The following CALY variants were observed in gnomAD, a reference collection of about 807,000 sequenced individuals.
CALY encodes the protein calcyon neuron specific vesicular protein, also known as neuron-specific vesicular protein calcyon.
Under a neutral mutation model 20.2 loss-of-function variants are expected in CALY, and 15 were observed. That is an observed-to-expected ratio of 0.74 (90% CI 0.50 to 1.14). The LOEUF is 1.14. Ranked by LOEUF, CALY falls within the 50% of genes most tolerant of loss-of-function variation. CALY has a pLI of 0.00. For synonymous variants in CALY, 129 were observed against 131.8 expected, an observed-to-expected ratio of 0.98 and a Z score of 0.15; for missense variants, 270 against 304.4, an observed-to-expected ratio of 0.89 and a Z score of 0.84.
intron 3 of CALY, chr10:133,327,503 A>G (rs1848233317): frequency 3.5e-6 from 2 of 569,456 alleles, no homozygotes; most frequent in Non-Finnish European, 6.2e-6. Context: ...TAAAGCTATC[A>G]TTAGTAACAT....
chr10:133,335,913 T>G (rs539896356), intron 1 of CALY, among the ~76,000 whole-genome samples: 21 of 151,888 alleles, frequency 1.4e-4, no homozygotes, highest in Non-Finnish European at 2.5e-4. Context: ...GATGGACAGA[T>G]GGATGGCGGG....
rs1848182345 is a variant in CALY at position 133,325,164 on chromosome 10, C to G, written c.*431G>C. 6.5e-6 allele frequency: 1 copy of G among 153,484 alleles called. No homozygotes were observed. The highest frequency in any genetic ancestry group is 6.4e-5 in the Admixed American group (1 of 15,542). 9.5% of individuals were successfully genotyped at this position (153,484 alleles called of 1,614,324 possible). ...GCAGCGGATAGGGATGGACCCGAGG[C>G]TCCCCTGGGTGGGCCGGAGCCCCGC... On this transcript the variant is annotated 3_prime_UTR_variant, in exon 6 of 6. Transcript: ENST00000252939.
At position 133,329,392 on chromosome 10, in the gene CALY, C is replaced by CTTCTTCTTCTTTTT. The variant is rs549430070; in HGVS notation, c.-20-384_-20-383insAAAAAGAAGAAGAA. Among the ~76,000 whole-genome samples, 427 of 137,418 alleles carry CTTCTTCTTCTTTTT rather than the reference C, an allele frequency of 3.1e-3. 4 individuals carry two copies. The highest frequency in any genetic ancestry group is 0.011 in the African/African-American group (389 of 34,508). 90.2% of individuals were successfully genotyped at this position (137,418 alleles called of 152,430 possible). On this transcript the variant is annotated intron_variant, in intron 1 of 5. Transcript: ENST00000252939. ...TCTTATTCTCCTTCTTCTTCTTCTT[C>CTTCTTCTTCTTTTT]TTTTTTTTTTTTGAGACAGGATCTT...
chr10:133,327,667 A>G (rs548883634), intron 3 of CALY: 13 of 623,796 alleles, frequency 2.1e-5, no homozygotes, highest in African/African-American at 1.7e-4. Flanking sequence ...CCAGAAAGAA[A>G]AACATCTCAG....
chr10:133,335,378 G>A (rs973134724), intron 1 of CALY, among the ~76,000 whole-genome samples: 3 of 152,190 alleles, frequency 2.0e-5, no homozygotes, highest in Non-Finnish European at 2.9e-5. Flanking sequence ...CCCCGCTCGG[G>A]CAGGACCCCC....
chr10:133,333,652 G>A (rs1302998960), intron 1 of CALY, among the ~76,000 whole-genome samples: 1 of 119,370 alleles, frequency 8.4e-6, no homozygotes, highest in African/African-American at 3.1e-5. Flanking sequence ...AGAGTGGAAG[G>A]CTCTGAGGCG....
chr10:133,333,481 GGGGGGAAGGATCCGACGCA>G (rs1410937548), intron 1 of CALY, among the ~76,000 whole-genome samples: 3 of 148,654 alleles, frequency 2.0e-5, no homozygotes, highest in African/African-American at 5.0e-5. Context: ...GATATGACGC[GGGGGGAAGGATCCGACGCA>G]GGGGGAGGGA....
Position 133,327,889 on chromosome 10 carries a change from G to T in CALY, c.246+16C>A, listed in dbSNP as rs376254611. The stretch of plus-strand genomic sequence containing the variant: ...CTGTCCTGAGTCCCCACAGTGGGTG[G>T]GGTGGGTGTGGTTACCCTGCGCCCT... On this transcript the variant is annotated intron_variant, in intron 3 of 5. Transcript: ENST00000252939. The T allele has an allele frequency of 3.9e-6, 6 of 1,535,842 alleles. No homozygotes were observed. In the South Asian group the frequency reaches 4.5e-5, roughly 12 times the overall value.
chr10:133,327,843 G>C, intron 3 of CALY, 62 bp downstream of exon 3: 2 of 1,134,102 alleles, frequency 1.8e-6, no homozygotes, highest in South Asian at 1.3e-5. Context: ...GGCACCCCCA[G>C]CTGCCTTCCA....
intron 1 of CALY, among the ~76,000 whole-genome samples, chr10:133,333,486 G>T (rs574591418): frequency 1.4e-5 from 2 of 147,750 alleles, no homozygotes; most frequent in South Asian, 2.2e-4. Flanking sequence ...GACGCGGGGG[G>T]AAGGATCCGA....
chr10:133,329,047 C>A (rs1848260141), intron 1 of CALY, 38 bp from the exon 2 acceptor site: 1 of 1,480,106 alleles, frequency 6.8e-7, no homozygotes, highest in Admixed American at 2.1e-5. Context: ...CCACAGGCTG[C>A]CCCCTGGATG....
chr10:133,325,748 C>A, intron 5 of CALY, 51 bp downstream of exon 5: 1 of 838,032 alleles, frequency 1.2e-6, no homozygotes, highest in Non-Finnish European at 1.6e-6. Flanking sequence ...TGGCGGGAGG[C>A]CAGGAAGAGA....
intron 5 of CALY, 113 bp from the exon 6 acceptor site, chr10:133,325,679 G>T: frequency 2.2e-6 from 1 of 452,366 alleles, no homozygotes. Flanking sequence ...AGGTTCTGGC[G>T]GGCCGGGTCG....
intron 1 of CALY, among the ~76,000 whole-genome samples, chr10:133,330,155 A>G (rs1437510012): frequency 6.6e-6 from 1 of 152,198 alleles, no homozygotes; most frequent in South Asian, 2.1e-4. Flanking sequence ...AATGTATTCA[A>G]TCAATCAAAG....
chr10:133,326,080 G>T lies in CALY; in HGVS notation c.401C>A (p.Thr134Lys). The T allele has an allele frequency of 6.2e-7, 1 of 1,600,270 alleles. No homozygotes were observed. Among genetic ancestry groups the T allele is most frequent in the South Asian group, 1.1e-5 (1 of 89,894 alleles). ...CTPLTLEMYY[T>K]EMDPERHRSI... Reference sequence around the variant, plus strand: ...GCGGTGGCGCTCGGGGTCCATCTCCGTGTAGTACATCTCCAGGGTCAGCGG... The same window carrying T: ...GCGGTGGCGCTCGGGGTCCATCTCCTTGTAGTACATCTCCAGGGTCAGCGG... The change falls in exon 5 of 6, where the codon ACG becomes AAG. Residue 134 changes from threonine to lysine, a missense_variant. Transcript: ENST00000252939.
At position 133,325,511 on chromosome 10, in the gene CALY, C is replaced by A. The variant is rs1848186928; in HGVS notation, c.*84G>T. The A allele has an allele frequency of 4.5e-6, 1 of 222,398 alleles. No individual in the cohort carries two copies. Among genetic ancestry groups the A allele is most frequent in the South Asian group, 1.8e-4 (1 of 5,488 alleles). The allele number at this position is 222,398 out of a possible 1,614,324, so 13.8% of individuals were successfully genotyped here. ...GCTGCAGCGAGGGCGCCTGGGGACA[C>A]GAACACGGCGGAGAGCATCGGGAGA... On this transcript the variant is annotated 3_prime_UTR_variant, in exon 6 of 6. Coordinates refer to ENST00000252939, the MANE Select transcript of CALY (RefSeq NM_015722.4).
rs1250082236 is a variant in CALY at position 133,324,280 on chromosome 10, C to T, written c.*1315G>A. The T allele has an allele frequency of 8.8e-6, 4 of 452,556 alleles. No individual in the cohort carries two copies. The highest frequency in any genetic ancestry group is 7.0e-5 in the East Asian group (1 of 14,340). 28.0% of individuals were successfully genotyped at this position (452,556 alleles called of 1,614,324 possible). ...GTGTGCATGGCCCTGCCTTCCCTGA[C>T]CCCACCTGGCTGGCTTCCAGCTCAC... On this transcript the variant is annotated 3_prime_UTR_variant, in exon 6 of 6. Transcript: ENST00000252939.
chr10:133,326,813 C>A (rs772336820), intron 4 of CALY, 65 bp downstream of exon 4: 37 of 1,092,582 alleles, frequency 3.4e-5, no homozygotes, highest in Non-Finnish European at 5.1e-5. Flanking sequence ...CCTGCCACCC[C>A]CTGCCTGGAG....
At chr10:133,332,421 G>T (rs927655591) in intron 1 of CALY, among the ~76,000 whole-genome samples, 2 of 152,184 alleles carry the variant, frequency 1.3e-5, no homozygotes, top group Admixed American at 1.3e-4. Flanking sequence ...TAATACAGAA[G>T]AAGATTTTTC....
Sources: gnomAD v4.1 joint callset for allele counts (sites outside exome capture counted in the v4.1 genomes callset) on GRCh38, gnomAD v4.1.1 for gene constraint, MANE v1.5 for transcripts, NCBI Gene and HGNC (gene_info 2026-07-23, HGNC 2026-07-21) for gene names.